Variants in ZCCHC10 observed in about 807,000 individuals in gnomAD.
ZCCHC10 encodes zinc finger CCHC-type containing 10.
Under a neutral mutation model 19.5 loss-of-function variants are expected in ZCCHC10, and 16 were observed. The observed-to-expected ratio is 0.82, with a 90% CI of 0.56 to 1.25. ZCCHC10 has a LOEUF of 1.25. Among genes scored for constraint, ZCCHC10 ranks in the 50% most tolerant of loss-of-function variants. The probability of loss-of-function intolerance (pLI) is 0.00; values close to 1 mark genes in which losing one functional copy is unlikely to be tolerated. For synonymous variants in ZCCHC10, 67 were observed against 72.5 expected (o/e 0.92, Z 0.38); for missense variants, 197 against 201.0 (o/e 0.98, Z 0.12).
At chr5:133,020,343 C>T (rs1764217499) in intron 2 of ZCCHC10, among the ~76,000 whole-genome samples, 1 of 152,030 alleles carries the variant, frequency 6.6e-6, no homozygotes, top group Admixed American at 6.6e-5. Flanking sequence ...ACTTGGGAGG[C>T]TGAGGCATGA....
chr5:133,000,074 C>T, intron 4 of ZCCHC10, 58 bp downstream of exon 4: 1 of 1,571,694 alleles, frequency 6.4e-7, no homozygotes, highest in Non-Finnish European at 8.7e-7. Flanking sequence ...ATCACCTTTC[C>T]CATCCCGCCA....
At chr5:133,006,314 T>C (rs781662694) in intron 3 of ZCCHC10, among the ~76,000 whole-genome samples, 1 of 152,192 alleles carries the variant, frequency 6.6e-6, no homozygotes, top group Non-Finnish European at 1.5e-5. Context: ...TTAATTAATA[T>C]ACCTGGTACT....
intron 3 of ZCCHC10, among the ~76,000 whole-genome samples, chr5:133,001,345 C>T (rs1174404540): frequency 6.6e-6 from 1 of 151,822 alleles, no homozygotes; most frequent in African/African-American, 2.4e-5. Flanking sequence ...GAGCTGAGAT[C>T]GCACCATTGC....
At chr5:133,019,614 C>CA (rs1764162200) in intron 2 of ZCCHC10, among the ~76,000 whole-genome samples, 1 of 152,024 alleles carries the variant, frequency 6.6e-6, no homozygotes, top group African/African-American at 2.4e-5. Flanking sequence ...TAAAGTGGCA[C>CA]AAATTTTTCA....
intron 2 of ZCCHC10, among the ~76,000 whole-genome samples, chr5:133,008,776 C>A (rs1412175094): frequency 1.3e-5 from 2 of 151,718 alleles, no homozygotes; most frequent in African/African-American, 2.4e-5. Context: ...CTTTGGGAGG[C>A]CAAGGGAGGC....
At chr5:133,013,061 T>TAAAAAAAAA (rs368155320) in intron 2 of ZCCHC10, among the ~76,000 whole-genome samples, 1 of 113,068 alleles carries the variant, frequency 8.8e-6, no homozygotes, top group African/African-American at 3.1e-5. Flanking sequence ...AAAAAAAAAT[T>TAAAAAAAAA]AAAAAAAAAA....
chr5:133,012,644 G>C (rs1279172226), intron 2 of ZCCHC10, among the ~76,000 whole-genome samples: 1 of 152,126 alleles, frequency 6.6e-6, no homozygotes, highest in Admixed American at 6.6e-5. Flanking sequence ...GCCGGTCACA[G>C]TGGCTCATGC....
In ZCCHC10 at chr5:133,008,957, A is replaced by C. The variant is rs1169059053; in HGVS notation, c.108-2037T>G. On this transcript the variant is annotated intron_variant, in intron 2 of 4. Coordinates refer to ENST00000509437, the MANE Select transcript of ZCCHC10 (RefSeq NM_001300816.3). ...GAGCCCAGGAGTTTGAGGCTACAGT[A>C]AGCTATGATTGCACCACTGCACTTC... Among the ~76,000 whole-genome samples, 4 of 152,104 alleles carry C rather than the reference A, an allele frequency of 2.6e-5. No individual in the cohort carries two copies. The East Asian group carries it at 5.8e-4, about 22-fold the overall frequency.
chr5:133,026,519 G>C lies in ZCCHC10; in HGVS notation c.19C>G (p.Arg7Gly). Residue 7 changes from arginine to glycine, a missense_variant, in exon 1 of 5, where the codon CGG (arginine) becomes GGG (glycine). Transcript: ENST00000509437. ...TACGCTTGTCTCCGGGCTATTAGCCGATGCATGGGAGTCGCCATCTTAGCG... is the reference window on the plus strand; with the variant it reads ...TACGCTTGTCTCCGGGCTATTAGCCCATGCATGGGAGTCGCCATCTTAGCG... MATPMH[R>G]LIARRQAFDT... The C allele has an allele frequency of 1.1e-5, 17 of 1,613,788 alleles. No individual in the cohort carries two copies. Among genetic ancestry groups the C allele is most frequent in the Non-Finnish European group, 1.4e-5 (17 of 1,179,954 alleles).
rs192787511 is a variant in ZCCHC10, at chr5:133,003,484, T to A, written c.269+3275A>T. 17 of 209,930 alleles carry A rather than the reference T, an allele frequency of 8.1e-5. No homozygotes were observed. In the East Asian group the frequency reaches 2.5e-3, roughly 30 times the overall value. 13.0% of individuals were successfully genotyped at this position (209,930 alleles called of 1,614,324 possible). A position where few individuals can be genotyped will look rare whatever the true frequency, so the allele number is the denominator to read the frequency against. On this transcript the variant is annotated intron_variant, in intron 3 of 4. Coordinates refer to ENST00000509437, the MANE Select transcript of ZCCHC10 (RefSeq NM_001300816.3). Reference sequence around the variant, plus strand: ...AATGCATGAAATCATGTTGAGGTAATCTACTGGAGATTACACTGATTAATA... The same window carrying A: ...AATGCATGAAATCATGTTGAGGTAAACTACTGGAGATTACACTGATTAATA...
At chr5:133,017,438 T>C (rs1486215440) in intron 2 of ZCCHC10, among the ~76,000 whole-genome samples, 1 of 152,090 alleles carries the variant, frequency 6.6e-6, no homozygotes, top group Non-Finnish European at 1.5e-5. Flanking sequence ...GATGTGATCA[T>C]GGCTCACTGC....
At position 133,006,746 on chromosome 5, in the gene ZCCHC10, C is replaced by T; in HGVS notation, c.269+13G>A. 2 of 1,595,490 alleles carry T rather than the reference C, an allele frequency of 1.3e-6. No individual in the cohort carries two copies. Among genetic ancestry groups the T allele is most frequent in the South Asian group, 2.3e-5 (2 of 86,780 alleles). On this transcript the variant is annotated intron_variant, in intron 3 of 4. Transcript: ENST00000509437. Reference sequence around the variant, plus strand: ...TAAAAAAATATTCCTTTGGATACCACATGTAAACCTACCTTTGTTGCAATA... The same window carrying T: ...TAAAAAAATATTCCTTTGGATACCATATGTAAACCTACCTTTGTTGCAATA...
At chr5:133,000,259 A>G (rs2059783) in intron 3 of ZCCHC10, 86 bp from the exon 4 acceptor site, 380,277 of 1,442,704 alleles carry the variant, frequency 0.26, 52,960 homozygotes, top group African/African-American at 0.48. Flanking sequence ...CCCCCAAATC[A>G]TTTTACTCTG....
At position 133,012,488 on chromosome 5, in the gene ZCCHC10, C is replaced by T. The variant is rs1228602233; in HGVS notation, c.108-5568G>A. 2.1e-5 allele frequency among the ~76,000 whole-genome samples: 3 copies of T among 145,122 alleles called. No individual in the cohort carries two copies. The East Asian group carries it at 6.1e-4, about 30-fold the overall frequency. Reference sequence around the variant, plus strand: ...ATCTCAAAGAAAAAAAAAAAGTGTACAGAAATTCAAAAGGCCAGTAACAGA... The same window carrying T: ...ATCTCAAAGAAAAAAAAAAAGTGTATAGAAATTCAAAAGGCCAGTAACAGA... On this transcript the variant is annotated intron_variant, in intron 2 of 4. Transcript: ENST00000509437.
intron 2 of ZCCHC10, among the ~76,000 whole-genome samples, chr5:133,010,716 G>A (rs1304029331): frequency 6.6e-6 from 1 of 151,888 alleles, no homozygotes; most frequent in South Asian, 2.1e-4. Context: ...AGTGATCCTC[G>A]CACCTTGGCC....
chr5:133,008,837 C>T (rs1345762747), intron 2 of ZCCHC10, among the ~76,000 whole-genome samples: 1 of 151,950 alleles, frequency 6.6e-6, no homozygotes, highest in African/African-American at 2.4e-5. Flanking sequence ...CATGGTGAAA[C>T]CCTGTCTCTA....
intron 4 of ZCCHC10, among the ~76,000 whole-genome samples, chr5:132,999,077 AGAT>A (rs1762603983): frequency 6.6e-6 from 1 of 151,976 alleles, no homozygotes; most frequent in Admixed American, 6.6e-5. Context: ...ACCGACGCCC[AGAT>A]GATTTTTGTA....
At chr5:132,999,081 G>A (rs1762604185) in intron 4 of ZCCHC10, among the ~76,000 whole-genome samples, 1 of 151,896 alleles carries the variant, frequency 6.6e-6, no homozygotes, top group Admixed American at 6.6e-5. Context: ...ACGCCCAGAT[G>A]ATTTTTGTAT....
At chr5:133,026,404 C>A in intron 1 of ZCCHC10, 93 bp downstream of exon 1, 1 of 1,516,196 alleles carries the variant, frequency 6.6e-7, no homozygotes, top group South Asian at 1.2e-5. Context: ...CGGACATTCT[C>A]CGCCGGTCCC....
Sources: allele counts gnomAD v4.1 joint callset (sites outside exome capture counted in the v4.1 genomes callset), GRCh38; gene constraint gnomAD v4.1.1; transcripts MANE v1.5; gene names NCBI Gene and HGNC (gene_info 2026-07-23, HGNC 2026-07-21).